PBLD: variants seen among roughly 807,000 people sequenced by gnomAD.
PBLD encodes phenazine biosynthesis like protein domain containing.
A neutral mutation model predicts 31.3 loss-of-function variants in PBLD; 26 were observed. The ratio of observed to expected loss-of-function variants is 0.83; its 90% CI spans 0.61 to 1.15. PBLD has a LOEUF of 1.15. Ranked by LOEUF, PBLD falls within the 50% of genes most tolerant of loss-of-function variation. The probability of loss-of-function intolerance (pLI) is 0.00; values close to 1 mark genes in which losing one functional copy is unlikely to be tolerated. For synonymous variants in PBLD, 114 were observed against 129.0 expected, an observed-to-expected ratio of 0.88 and a Z score of 0.79; for missense variants, 307 against 351.7, an observed-to-expected ratio of 0.87 and a Z score of 1.02.
chr10:68,285,555 G>T (rs2044276183), intron 8 of PBLD, 145 bp from the exon 9 acceptor site: 2 of 1,150,378 alleles, frequency 1.7e-6, no homozygotes, highest in African/African-American at 1.6e-5. Flanking sequence ...CCACAGCAGG[G>T]TGTAGAATTA....
At chr10:68,326,211 T>C (rs1175469674) in intron 1 of PBLD, among the ~76,000 whole-genome samples, 1 of 152,162 alleles carries the variant, frequency 6.6e-6, no homozygotes, top group East Asian at 1.9e-4. Context: ...TAATTATTTT[T>C]GTATTTTTAG....
Position 68,284,168 on chromosome 10 carries a change from T to A in PBLD, c.*9A>T, listed in dbSNP as rs2044258810. The A allele has an allele frequency of 6.2e-7, 1 of 1,608,656 alleles. No individual in the cohort carries two copies. The stretch of plus-strand genomic sequence containing the variant: ...GGTTAGAGACAGCAGCGTCACAGCA[T>A]AACCACCTCTAGGCTGTCAGTGTGC... On this transcript the variant is annotated 3_prime_UTR_variant, in exon 10 of 10. Coordinates refer to ENST00000358769, the MANE Select transcript of PBLD (RefSeq NM_022129.4).
intron 6 of PBLD, 100 bp from the exon 7 acceptor site, chr10:68,289,119 C>T: frequency 1.2e-6 from 1 of 836,486 alleles, no homozygotes; most frequent in Non-Finnish European, 2.0e-6. Context: ...CCACTGTGAG[C>T]CAAGCATGCC....
intron 4 of PBLD, among the ~76,000 whole-genome samples, chr10:68,293,835 C>T (rs1339525475): frequency 6.6e-6 from 1 of 151,326 alleles, no homozygotes; most frequent in African/African-American, 2.4e-5. Context: ...ATTAGCCAGG[C>T]GTGGTGGCAG....
intron 1 of PBLD, chr10:68,331,814 G>A (rs2045108842): frequency 6.6e-6 from 1 of 152,378 alleles, no homozygotes; most frequent in South Asian, 2.1e-4. Flanking sequence ...AGAATGGTAC[G>A]CTCTGAAAAC....
intron 8 of PBLD, among the ~76,000 whole-genome samples, chr10:68,286,814 A>G (rs2044293612): frequency 6.6e-6 from 1 of 152,128 alleles, no homozygotes; most frequent in Non-Finnish European, 1.5e-5. Flanking sequence ...TTGCGAAGAA[A>G]AAGATGGGGA....
At chr10:68,323,871 GC>G (rs1478891510) in intron 1 of PBLD, among the ~76,000 whole-genome samples, 3 of 152,138 alleles carry the variant, frequency 2.0e-5, no homozygotes, top group African/African-American at 7.2e-5. Context: ...TTAGCCTGAG[GC>G]CATCCCAAAA....
At chr10:68,287,639 T>A (rs1589646600) in intron 8 of PBLD, 1 of 152,378 alleles carries the variant, frequency 6.6e-6, no homozygotes, top group Admixed American at 6.5e-5. Context: ...CAGCCCACTG[T>A]TCCCAAAGAG....
At chr10:68,295,570 G>A (rs1312916246) in intron 4 of PBLD, among the ~76,000 whole-genome samples, 1 of 152,078 alleles carries the variant, frequency 6.6e-6, no homozygotes, top group Non-Finnish European at 1.5e-5. Flanking sequence ...GAAATAATTG[G>A]AGTGAAATGT....
Position 68,288,611 on chromosome 10 carries a change from TC to T in PBLD, c.562del (p.Glu188LysfsTer6). 1 of 1,614,192 alleles carries T rather than the reference TC, an allele frequency of 6.2e-7. No individual in the cohort carries two copies. The highest frequency in any genetic ancestry group is 8.5e-7 in the Non-Finnish European group (1 of 1,180,034). On this transcript the variant is annotated frameshift_variant, in exon 8 of 10. Transcript: ENST00000358769. LOFTEE classifies it high-confidence loss of function. ...KVNTENLLQV[E>X]NTGKVKGLIL... is the part of the protein sequence containing the mutation. ...AAGCCCTTTCACCTTCCCTGTGTTT[TC>T]AACTTGCAGCAGATTCTCCGTGTTC... is the stretch of plus-strand genomic sequence containing the variant.
intron 2 of PBLD, among the ~76,000 whole-genome samples, chr10:68,305,543 C>T (rs1041113185): frequency 3.9e-5 from 6 of 152,100 alleles, no homozygotes; most frequent in African/African-American, 1.2e-4. Context: ...CACCTGAGGT[C>T]AGGAGTTCGA....
At chr10:68,328,014 G>A (rs1370869482) in intron 1 of PBLD, among the ~76,000 whole-genome samples, 1 of 152,094 alleles carries the variant, frequency 6.6e-6, no homozygotes, top group Non-Finnish European at 1.5e-5. Context: ...AGAACACTTA[G>A]GTGACTTAGA....
intron 1 of PBLD, among the ~76,000 whole-genome samples, chr10:68,330,205 G>A (rs2045001855): frequency 6.6e-6 from 1 of 151,992 alleles, no homozygotes; most frequent in African/African-American, 2.4e-5. Context: ...ATGACTTAGG[G>A]AATTCTTACT....
At chr10:68,300,770 G>A (rs1183634084) in intron 2 of PBLD, among the ~76,000 whole-genome samples, 2 of 152,198 alleles carry the variant, frequency 1.3e-5, no homozygotes, top group African/African-American at 2.4e-5. Flanking sequence ...AAACTTTAAA[G>A]ATGAGGTCTT....
chr10:68,288,877 A>G (rs1270622281), intron 7 of PBLD, 54 bp downstream of exon 7: 2 of 1,503,838 alleles, frequency 1.3e-6, no homozygotes, highest in Non-Finnish European at 1.9e-6. Flanking sequence ...AGGAAGAGCT[A>G]TAAATCTGGG....
intron 1 of PBLD, among the ~76,000 whole-genome samples, chr10:68,307,657 G>A (rs769758180): frequency 5.9e-5 from 9 of 151,892 alleles, no homozygotes; most frequent in Non-Finnish European, 8.8e-5. Flanking sequence ...CCGCCACTGC[G>A]CCCGGCTAAT....
chr10:68,298,888 C>G (rs1337348213), intron 2 of PBLD, among the ~76,000 whole-genome samples: 1 of 151,802 alleles, frequency 6.6e-6, no homozygotes, highest in South Asian at 2.1e-4. Flanking sequence ...AGGTGGATCA[C>G]GAGGTCAGGA....
Position 68,284,104 on chromosome 10 carries a change from C to T in PBLD, c.*73G>A, listed in dbSNP as rs760049561. The T allele has an allele frequency of 7.2e-7, 1 of 1,385,318 alleles. No homozygotes were observed. Among genetic ancestry groups the T allele is most frequent in the Non-Finnish European group, 1.0e-6 (1 of 989,082 alleles). 85.8% of individuals were successfully genotyped at this position (1,385,318 alleles called of 1,614,324 possible). On this transcript the variant is annotated 3_prime_UTR_variant, in exon 10 of 10. Coordinates refer to ENST00000358769, the MANE Select transcript of PBLD (RefSeq NM_022129.4). ...GACTACTACGCACATTTGCTAAAGGCAGCCCCTTACATTTCTTTTTAAGCA... is the reference window on the plus strand; with the variant it reads ...GACTACTACGCACATTTGCTAAAGGTAGCCCCTTACATTTCTTTTTAAGCA...
chr10:68,318,375 T>TAAAAAAA lies in PBLD; in HGVS notation c.-59-11479_-59-11473dup, dbSNP rs34722771. Among the ~76,000 whole-genome samples, 2 of 51,272 alleles carry TAAAAAAA rather than the reference T, an allele frequency of 3.9e-5. 1 individual carries two copies. The highest frequency in any genetic ancestry group is 6.6e-5 in the Non-Finnish European group (2 of 30,474). The allele number at this position is 51,272 out of a possible 152,430, so 33.6% of individuals were successfully genotyped here. ...TAACACAGCAAGACCCTGCCTCTAT[T>TAAAAAAA]AAAAAAAAAAAAAAAAAAAAAAAAA... On this transcript the variant is annotated intron_variant, in intron 1 of 9. Transcript: ENST00000358769.
Sources: gnomAD v4.1 joint callset for allele counts (sites outside exome capture counted in the v4.1 genomes callset) on GRCh38, gnomAD v4.1.1 for gene constraint, MANE v1.5 for transcripts, NCBI Gene and HGNC (gene_info 2026-07-23, HGNC 2026-07-21) for gene names.